Variants in MYOM2 observed in about 807,000 individuals in gnomAD.
The protein encoded by MYOM2 is myomesin-2.
Under a neutral mutation model 187.6 loss-of-function variants are expected in MYOM2, and 254 were observed. That is an observed-to-expected ratio of 1.35 (90% CI 1.22 to 1.50). MYOM2 has a LOEUF of 1.50. Ranked by LOEUF, MYOM2 falls within the 40% of genes most tolerant of loss-of-function variation. MYOM2 has a pLI of 0.00. For missense variants in MYOM2, 2,796 were observed against 1,924.0 expected, an observed-to-expected ratio of 1.45 and a Z score of -8.48; for synonymous variants, 981 against 753.8, an observed-to-expected ratio of 1.30 and a Z score of -4.94.
chr8:2,115,792 C>T (rs968383473), intron 25 of MYOM2, among the ~76,000 whole-genome samples, 168 bp from the exon 26 acceptor site: 1 of 152,210 alleles, frequency 6.6e-6, no homozygotes, highest in Admixed American at 6.5e-5. Flanking sequence ...CTCATACCCA[C>T]TGTTTGATCC....
rs1279023816 is a variant in MYOM2, at chr8:2,086,470, ACACTGTCATGATCTCTGTGTGGCCCCC to A, written c.1644+1088_1644+1114del. 8.6e-3 allele frequency among the ~76,000 whole-genome samples: 829 copies of A among 96,432 alleles called. 13 individuals are homozygous for A. Among genetic ancestry groups the A allele is most frequent in the Middle Eastern group, 0.028 (5 of 178 alleles). The allele number at this position is 96,432 out of a possible 152,430, so 63.3% of individuals were successfully genotyped here. ...ACTGTCGTGATCTCCACGTGGCCAC[ACACTGTCATGATCTCTGTGTGGCCCCC>A]CACTGTCGTGATCTCTGCGTGGCCC... On this transcript the variant is annotated intron_variant, in intron 14 of 36. Coordinates refer to ENST00000262113, the MANE Select transcript of MYOM2 (RefSeq NM_003970.4).
chr8:2,122,008 T>A (rs1797476071), intron 28 of MYOM2, among the ~76,000 whole-genome samples: 1 of 152,216 alleles, frequency 6.6e-6, no homozygotes, highest in South Asian at 2.1e-4. Flanking sequence ...ACAAATACAT[T>A]AATTACAGAT....
At chr8:2,050,630 T>C (rs1818450819) in intron 1 of MYOM2, 125 bp from the exon 2 acceptor site, 1 of 546,232 alleles carries the variant, frequency 1.8e-6, no homozygotes, top group South Asian at 3.0e-5. Flanking sequence ...AATCTTTCAT[T>C]TTTTCCCTTC....
In MYOM2 at chr8:2,090,149, C is replaced by T. The variant is rs191810510; in HGVS notation, c.1786C>T (p.Pro596Ser). 1.8e-5 allele frequency: 29 copies of T among 1,614,020 alleles called. No homozygotes were observed. In the Admixed American group the frequency reaches 1.8e-4, roughly 10 times the overall value. ...LSANRHGLSEPSEITSPIQAQ... is the reference protein window; with the variant it reads ...LSANRHGLSESSEITSPIQAQ... ...AGCAAACCGGCATGGCCTGAGCGAA[C>T]CTTCGGAGATAACGTCCCCCATTCA... Residue 596 changes from proline to serine, a missense_variant, in exon 15 of 37, where the codon CCT (proline) becomes TCT (serine). Physicochemically the swap from Pro to Ser is moderately conservative, Grantham distance 74 (BLOSUM62 -1). Transcript: ENST00000262113.
At chr8:2,067,683 G>T (rs1222347180) in intron 6 of MYOM2, among the ~76,000 whole-genome samples, 1 of 152,118 alleles carries the variant, frequency 6.6e-6, no homozygotes, top group Admixed American at 6.5e-5. Context: ...ATGGATATGG[G>T]GAAGCAGAAG....
Position 2,145,075 on chromosome 8 carries a change from T to C in MYOM2, c.*94T>C. On this transcript the variant is annotated 3_prime_UTR_variant, in exon 37 of 37. Coordinates refer to ENST00000262113, the MANE Select transcript of MYOM2 (RefSeq NM_003970.4). ...AAATGAGCAGCTGGCATCCGAGTGG[T>C]GTCCTGTGTGGGCTGATAGTTGATC... 1.5e-6 allele frequency: 2 copies of C among 1,371,556 alleles called. No homozygotes were observed. Among genetic ancestry groups the C allele is most frequent in the African/African-American group, 1.5e-5 (1 of 67,986 alleles). The allele number at this position is 1,371,556 out of a possible 1,614,324, so 85.0% of individuals were successfully genotyped here.
intron 1 of MYOM2, among the ~76,000 whole-genome samples, chr8:2,050,045 C>T (rs1818432003): frequency 1.3e-5 from 2 of 152,296 alleles, no homozygotes; most frequent in East Asian, 1.9e-4. Context: ...GCATCTCCAG[C>T]CAGTCCCTTT....
At chr8:2,074,134 T>C (rs1157624500) in intron 10 of MYOM2, among the ~76,000 whole-genome samples, 1 of 152,136 alleles carries the variant, frequency 6.6e-6, no homozygotes, top group East Asian at 1.9e-4. Context: ...AGAAAGACAA[T>C]ATTTGTGATA....
intron 20 of MYOM2, chr8:2,102,152 G>A (rs1796730539): frequency 6.6e-6 from 1 of 152,420 alleles, no homozygotes; most frequent in African/African-American, 2.4e-5. Context: ...AACAGCCAGT[G>A]TCTTTAGAAT....
In MYOM2 at chr8:2,102,684, A is replaced by T; in HGVS notation, c.2637A>T (p.Gln879His). The change falls in exon 21 of 37, where the codon CAA becomes CAT. Residue 879 changes from glutamine (Q) to histidine (H), a missense_variant. Transcript: ENST00000262113. ...GTTTCAAGGTCTCTGACCTGCAGCA[A>T]GGTAAGACCTATGTCTTCAGGGTCC... ...SRYLKVSDLQQGKTYVFRVRA... is the reference protein window; with the variant it reads ...SRYLKVSDLQHGKTYVFRVRA... 6.2e-7 allele frequency: 1 copy of T among 1,611,510 alleles called. No homozygotes were observed. The highest frequency in any genetic ancestry group is 8.5e-7 in the Non-Finnish European group (1 of 1,177,788).
chr8:2,054,169 C>T (rs569053121), intron 3 of MYOM2, among the ~76,000 whole-genome samples: 1 of 152,304 alleles, frequency 6.6e-6, no homozygotes, highest in East Asian at 1.9e-4. Flanking sequence ...GTTTAGCGTG[C>T]TGGACAAGTT....
At chr8:2,093,523 G>A (rs578222937) in intron 16 of MYOM2, among the ~76,000 whole-genome samples, 1 of 152,310 alleles carries the variant, frequency 6.6e-6, no homozygotes, top group East Asian at 1.9e-4. Context: ...AGGGGTTAAG[G>A]AGGTTGATTA....
Position 2,057,763 on chromosome 8 carries a change from C to T in MYOM2, c.543C>T (p.Pro181=). Residue 181 remains proline (P), a synonymous_variant, in exon 5 of 37, where the codon CCC becomes CCT. Coordinates refer to ENST00000262113, the MANE Select transcript of MYOM2 (RefSeq NM_003970.4). ...TCTGCTTCACCGTGCAAGGATTTCC[C>T]ACGCCCGTGGTGCAGTGGTGAGGGG... ...VKLCFTVQGF[P]TPVVQWYKDG... 6.2e-7 allele frequency: 1 copy of T among 1,614,082 alleles called. No individual in the cohort carries two copies. The highest frequency in any genetic ancestry group is 8.5e-7 in the Non-Finnish European group (1 of 1,180,004).
intron 32 of MYOM2, among the ~76,000 whole-genome samples, chr8:2,135,624 C>G (rs2116902860): frequency 6.6e-6 from 1 of 152,248 alleles, no homozygotes; most frequent in African/African-American, 2.4e-5. Context: ...CTATCCTCCA[C>G]TGTCTTATAT....
At chr8:2,134,244 T>C (rs35835808) in intron 32 of MYOM2, among the ~76,000 whole-genome samples, 19,832 of 152,096 alleles carry the variant, frequency 0.13, 2,196 homozygotes, top group African/African-American at 0.28. Flanking sequence ...AGGACAGTTC[T>C]TCAGGCTCTC....
At chr8:2,106,074 G>A (rs966760040) in intron 21 of MYOM2, among the ~76,000 whole-genome samples, 168 bp from the exon 22 acceptor site, 6 of 152,134 alleles carry the variant, frequency 3.9e-5, no homozygotes, top group Non-Finnish European at 8.8e-5. Flanking sequence ...CAGCATGGGG[G>A]AAACCACCCC....
chr8:2,096,434 G>C lies in MYOM2; in HGVS notation c.2313G>C (p.Thr771=), dbSNP rs202157103. ...NSSPSKPTIL[T]VDGLTEGSLY... ...CACCCAGCAAACCGACAATCCTAAC[G>C]GTCAGTTGGTTTTTATTCCTTCGTC... Residue 771 remains threonine (T), a splice_region_variant and synonymous_variant, in exon 18 of 37, where the codon ACG becomes ACC. Transcript: ENST00000262113. The C allele has an allele frequency of 9.9e-6, 16 of 1,613,492 alleles. No individual in the cohort carries two copies. In the Admixed American group the frequency reaches 1.8e-4, roughly 19 times the overall value.
intron 21 of MYOM2, among the ~76,000 whole-genome samples, chr8:2,104,028 G>C (rs1335413294): frequency 6.6e-6 from 1 of 152,172 alleles, no homozygotes; most frequent in African/African-American, 2.4e-5. Flanking sequence ...CCCTGGATGA[G>C]AAGGAGAGCA....
intron 14 of MYOM2, 130 bp downstream of exon 14, chr8:2,085,520 C>CTACTGTTGTGATCTCTGCGTGG: frequency 1.9e-6 from 1 of 532,738 alleles, no homozygotes; most frequent in Non-Finnish European, 2.8e-6. Flanking sequence ...GCGTGGCCCC[C>CTACTGTTGTGATCTCTGCGTGG]CACTGTTGTG....
Sources: allele counts gnomAD v4.1 joint callset (sites outside exome capture counted in the v4.1 genomes callset), GRCh38; gene constraint gnomAD v4.1.1; transcripts MANE v1.5; gene names NCBI Gene and HGNC (gene_info 2026-07-23, HGNC 2026-07-21).